The following NBR1 variants were observed in gnomAD, a reference collection of about 807,000 sequenced individuals.
The protein encoded by NBR1 is next to BRCA1 gene 1 protein.
NBR1 carries 59 observed loss-of-function variants against 115.5 expected under a neutral mutation model. The observed-to-expected ratio is 0.51, with a 90% confidence interval of 0.41 to 0.63. The LOEUF (loss-of-function observed/expected upper bound fraction) is 0.63. Ranked by LOEUF, NBR1 falls within the 30% of genes least tolerant of loss-of-function variation. NBR1 has a pLI of 0.00. For synonymous variants in NBR1, 373 were observed against 414.7 expected (o/e 0.90, Z 1.22); for missense variants, 1,043 against 1,150.5 (o/e 0.91, Z 1.35).
At chr17:43,209,081 G>GTT (rs796984826) in intron 20 of NBR1, among the ~76,000 whole-genome samples, 2 of 144,396 alleles carry the variant, frequency 1.4e-5, no homozygotes, top group Non-Finnish European at 3.1e-5. Flanking sequence ...ACCTATTCTT[G>GTT]TTTTTTTTTT....
intron 3 of NBR1, among the ~76,000 whole-genome samples, chr17:43,178,687 T>C (rs2056589155): frequency 6.6e-6 from 1 of 152,046 alleles, no homozygotes; most frequent in Non-Finnish European, 1.5e-5. Flanking sequence ...AAGATAACTT[T>C]TAAAATTATA....
intron 5 of NBR1, among the ~76,000 whole-genome samples, chr17:43,181,621 G>C (rs997640218): frequency 1.3e-5 from 2 of 151,858 alleles, no homozygotes; most frequent in African/African-American, 2.4e-5. Context: ...AGCCGAGATC[G>C]TGCCACTGCA....
In NBR1 at chr17:43,197,064, G is replaced by A. The variant is rs766706660; in HGVS notation, c.1984G>A (p.Ala662Thr). The A allele has an allele frequency of 1.2e-6, 2 of 1,614,008 alleles. No individual in the cohort carries two copies. Among genetic ancestry groups the A allele is most frequent in the African/African-American group, 1.3e-5 (1 of 75,048 alleles). Residue 662 changes from alanine to threonine, a missense_variant, in exon 16 of 21, where the codon GCC becomes ACC. Ala to Thr is a moderately conservative substitution (Grantham distance 58). Coordinates refer to ENST00000590996, the MANE Select transcript of NBR1 (RefSeq NM_005899.5). ...TVIRSLTLDAAPDHNPPCRQK... is the reference protein window; with the variant it reads ...TVIRSLTLDATPDHNPPCRQK... ...AATCCGATCCCTTACCTTGGATGCT[G>A]CCCCAGACCACAACCCTCCTTGCAG...
In NBR1 at chr17:43,196,396, C is replaced by T. The variant is rs1413612626; in HGVS notation, c.1751-85C>T. ...TTTTAGCCCTGCGGGAGGCAAGAAG[C>T]CTACAAACTGCTACTTCTGGACACT... On this transcript the variant is annotated intron_variant, in intron 14 of 20. Coordinates refer to ENST00000590996, the MANE Select transcript of NBR1 (RefSeq NM_005899.5). The T allele has an allele frequency of 3.7e-6, 3 of 802,808 alleles. No individual in the cohort carries two copies. In the African/African-American group the frequency reaches 5.5e-5, roughly 15 times the overall value. The allele number at this position is 802,808 out of a possible 1,614,324, so 49.7% of individuals were successfully genotyped here. A position where few individuals can be genotyped will look rare whatever the true frequency, so the allele number is the denominator to read the frequency against.
chr17:43,170,920 G>A (rs2056337913), upstream of NBR1: 1 of 152,216 alleles, frequency 6.6e-6, no homozygotes, highest in Non-Finnish European at 1.5e-5. Context: ...AGCCCCACGA[G>A]TCTCGGGCAA....
chr17:43,190,319 T>C (rs545671358), intron 8 of NBR1: 16 of 405,680 alleles, frequency 3.9e-5, no homozygotes, highest in South Asian at 2.3e-4. Context: ...GATCCTCTTC[T>C]CCATGGCCTC....
In NBR1 at chr17:43,193,612, A is replaced by T; in HGVS notation, c.1498A>T (p.Thr500Ser). 6.2e-7 allele frequency: 1 copy of T among 1,610,242 alleles called. No homozygotes were observed. Among genetic ancestry groups the T allele is most frequent in the Non-Finnish European group, 8.5e-7 (1 of 1,178,264 alleles). Reference protein sequence around the residue: ...IEKGMISSSKTDDLTCQQEET... With the variant: ...IEKGMISSSKSDDLTCQQEET... The stretch of plus-strand genomic sequence containing the variant: ...AAAGGGCATGATCAGCTCAAGCAAA[A>T]CTGATGATCTCACCTGCCAGCAAGA... The change falls in exon 12 of 21, where the codon ACT becomes TCT. Residue 500 changes from threonine to serine, a missense_variant. By Grantham distance (58) the Thr-to-Ser change is moderately conservative. Coordinates refer to ENST00000590996, the MANE Select transcript of NBR1 (RefSeq NM_005899.5).
intron 5 of NBR1, among the ~76,000 whole-genome samples, chr17:43,181,645 G>A (rs1031230518): frequency 6.3e-4 from 94 of 149,656 alleles, no homozygotes; most frequent in African/African-American, 2.2e-3. Flanking sequence ...CAGCCTGGGC[G>A]ACAGTGAGAC....
In NBR1 at chr17:43,201,720, G is replaced by C; in HGVS notation, c.2503G>C (p.Gly835Arg). 1 of 1,608,992 alleles carries C rather than the reference G, an allele frequency of 6.2e-7. No individual in the cohort carries two copies. Among genetic ancestry groups the C allele is most frequent in the Non-Finnish European group, 8.5e-7 (1 of 1,175,362 alleles). The change falls in exon 18 of 21, where the codon GGA becomes CGA. Residue 835 changes from glycine (G) to arginine (R), a missense_variant. Physicochemically the swap from Gly to Arg is moderately radical, Grantham distance 125. Coordinates refer to ENST00000590996, the MANE Select transcript of NBR1 (RefSeq NM_005899.5). ...SPCVHHHGSP[G>R]VDLPVTIPEV... The stretch of plus-strand genomic sequence containing the variant: ...TTGTGTACATCATCATGGTTCCCCA[G>C]GAGTGGATTTACCAGTTACCATACC...
chr17:43,171,607 C>T (rs1339938246), intron 1 of NBR1, among the ~76,000 whole-genome samples: 2 of 152,172 alleles, frequency 1.3e-5, no homozygotes, highest in Admixed American at 6.5e-5. Flanking sequence ...GGTAGTGACA[C>T]TGTCTTGGGA....
At chr17:43,203,622 C>A (rs1272325733) in intron 19 of NBR1, 59 bp from the exon 20 acceptor site, 2 of 1,079,028 alleles carry the variant, frequency 1.9e-6, no homozygotes, top group Non-Finnish European at 2.7e-6. Flanking sequence ...CCCAGATTAT[C>A]TTGTAAAAAG....
chr17:43,176,721 G>A (rs1370355915), intron 2 of NBR1: 4 of 151,568 alleles, frequency 2.6e-5, no homozygotes, highest in African/African-American at 9.7e-5. Context: ...CAAAAGATGT[G>A]AAAATCAGTT....
chr17:43,194,362 C>G lies in NBR1; in HGVS notation c.1537C>G (p.Leu513Val). ...LTCQQEETFL[L>V]AKEERQLGEV... ...TTTGTCTCTATAGGAAACTTTTCTT[C>G]TGGCTAAAGAAGAAAGACAGCTTGG... is the stretch of plus-strand genomic sequence containing the variant. Residue 513 changes from leucine (L) to valine (V), a missense_variant, in exon 13 of 21, where the codon CTG (leucine) becomes GTG (valine). Transcript: ENST00000590996. 1 of 1,612,804 alleles carries G rather than the reference C, an allele frequency of 6.2e-7. No individual in the cohort carries two copies. The highest frequency in any genetic ancestry group is 1.1e-5 in the South Asian group (1 of 90,962).
At chr17:43,207,267 G>A (rs938845719) in intron 20 of NBR1, among the ~76,000 whole-genome samples, 4 of 152,190 alleles carry the variant, frequency 2.6e-5, no homozygotes, top group Admixed American at 6.5e-5. Flanking sequence ...AGGACCCCCT[G>A]TGGGATACTG....
chr17:43,200,048 T>C, intron 16 of NBR1, 119 bp from the exon 17 acceptor site: 1 of 803,124 alleles, frequency 1.2e-6, no homozygotes, highest in Non-Finnish European at 1.9e-6. Context: ...CCTTTAGTTC[T>C]TCCCTCTCCT....
At chr17:43,180,873 G>GT (rs1238445672) in intron 5 of NBR1, 56 bp downstream of exon 5, 74 of 1,317,342 alleles carry the variant, frequency 5.6e-5, no homozygotes, top group South Asian at 3.5e-4. Flanking sequence ...TTATGGGTTG[G>GT]TTTTTTTTCT....
At chr17:43,180,405 T>C (rs2056633071) in intron 4 of NBR1, among the ~76,000 whole-genome samples, 1 of 152,162 alleles carries the variant, frequency 6.6e-6, no homozygotes, top group South Asian at 2.1e-4. Flanking sequence ...ATAGAAAAGG[T>C]ACAGTAAAAA....
rs1359002191 is a variant in NBR1 at position 43,197,077 on chromosome 17, A to T, written c.1997A>T (p.Asn666Ile). The change falls in exon 16 of 21, where the codon AAC becomes ATC. Residue 666 changes from asparagine (N) to isoleucine (I), a missense_variant. Transcript: ENST00000590996. ...ACCTTGGATGCTGCCCCAGACCACAACCCTCCTTGCAGACAGAAGTCCTTG... is the reference window on the plus strand; with the variant it reads ...ACCTTGGATGCTGCCCCAGACCACATCCCTCCTTGCAGACAGAAGTCCTTG... ...SLTLDAAPDH[N>I]PPCRQKSLQM... 1 of 1,613,664 alleles carries T rather than the reference A, an allele frequency of 6.2e-7. No individual in the cohort carries two copies. Among genetic ancestry groups the T allele is most frequent in the South Asian group, 1.1e-5 (1 of 91,064 alleles).
At position 43,209,505 on chromosome 17, in the gene NBR1, T is replaced by C. The variant is rs546042299; in HGVS notation, c.2728-396T>C. On this transcript the variant is annotated intron_variant, in intron 20 of 20. Transcript: ENST00000590996. ...TTCCCATAGCATCTTTCAGTAACAC[T>C]TTTATCTTGCTCATACTTCCCCCAT... The C allele has an allele frequency of 2.3e-5, 32 of 1,413,544 alleles. No homozygotes were observed. In the Admixed American group the frequency reaches 3.5e-4, roughly 16 times the overall value. The allele number at this position is 1,413,544 out of a possible 1,614,324, so 87.6% of individuals were successfully genotyped here.
Sources: allele counts gnomAD v4.1 joint callset (sites outside exome capture counted in the v4.1 genomes callset), GRCh38; gene constraint gnomAD v4.1.1; transcripts MANE v1.5; gene names NCBI Gene and HGNC (gene_info 2026-07-23, HGNC 2026-07-21).